Variants in LY6L observed in about 807,000 individuals in gnomAD.
LY6L encodes the protein lymphocyte antigen 6 family member L.
In LY6L, 8 loss-of-function variants were observed where a neutral mutation model predicts 8.3. The ratio of observed to expected loss-of-function variants is 0.97; its 90% CI spans 0.57 to 1.74. The LOEUF is 1.74. Ranked by LOEUF, LY6L falls within the 40% of genes most tolerant of loss-of-function variation. The pLI, the probability that LY6L is intolerant of heterozygous loss-of-function variation, is 0.00. For synonymous variants in LY6L, 79 were observed against 77.9 expected, an observed-to-expected ratio of 1.01 and a Z score of -0.07; for missense variants, 156 against 183.8, an observed-to-expected ratio of 0.85 and a Z score of 0.87.
rs1355497292 is a variant in LY6L, at chr8:143,081,301, T to A, written c.164T>A (p.Ile55Asn). ...TGCAGCCCGCTGGACCAAGTCTGCATCTCCAACGAGGTGGTCGTCTCTTTT... is the reference window on the plus strand; with the variant it reads ...TGCAGCCCGCTGGACCAAGTCTGCAACTCCAACGAGGTGGTCGTCTCTTTT... Reference protein sequence around the residue: ...TWCSPLDQVCISNEVVVSFKW... With the variant: ...TWCSPLDQVCNSNEVVVSFKW... Residue 55 changes from isoleucine to asparagine, a missense_variant, in exon 3 of 4, where the codon ATC (isoleucine) becomes AAC (asparagine). By Grantham distance (149) the Ile-to-Asn change is moderately radical. Transcript: ENST00000562505. The A allele has an allele frequency of 6.5e-7, 1 of 1,531,652 alleles. No homozygotes were observed. Among genetic ancestry groups the A allele is most frequent in the African/African-American group, 1.4e-5 (1 of 73,006 alleles). 94.9% of individuals were successfully genotyped at this position (1,531,652 alleles called of 1,614,324 possible). A position where few individuals can be genotyped will look rare whatever the true frequency, so the allele number is the denominator to read the frequency against.
Position 143,083,387 on chromosome 8 carries a change from C to T in LY6L, c.*736C>T, listed in dbSNP as rs1049474921. On this transcript the variant is annotated 3_prime_UTR_variant, in exon 4 of 4. Transcript: ENST00000562505. ...CCTTCCCATTTCCAGCCCCCTCTGC[C>T]CAAGGGAAACCCAGGAAGGATAACA... Among the ~76,000 whole-genome samples, 1 of 152,140 alleles carries T rather than the reference C, an allele frequency of 6.6e-6. No homozygotes were observed. The highest frequency in any genetic ancestry group is 2.4e-5 in the African/African-American group (1 of 41,412).
chr8:143,080,946 G>C, intron 1 of LY6L, 90 bp from the exon 2 acceptor site: 1 of 955,120 alleles, frequency 1.0e-6, no homozygotes, highest in South Asian at 1.6e-5. Context: ...TGGGGGGTGC[G>C]CCCTGAGTAA....
chr8:143,081,033 C>G lies in LY6L; in HGVS notation c.-18-3C>G, dbSNP rs1364287377. ...CCCGCAACACCCACCTCACCCCACT[C>G]AGGCTGAGCCTTCTGGCGTCATGGA... is the stretch of plus-strand genomic sequence containing the variant. On this transcript the variant is annotated splice_polypyrimidine_tract_variant and splice_region_variant and intron_variant, in intron 1 of 3. Transcript: ENST00000562505. 5.9e-6 allele frequency: 9 copies of G among 1,527,610 alleles called. No individual in the cohort carries two copies. Among genetic ancestry groups the G allele is most frequent in the Non-Finnish European group, 7.9e-6 (9 of 1,140,534 alleles). 94.6% of individuals were successfully genotyped at this position (1,527,610 alleles called of 1,614,324 possible). A position where few individuals can be genotyped will look rare whatever the true frequency, so the allele number is the denominator to read the frequency against.
At chr8:143,080,866 C>T (rs1404946848) in intron 1 of LY6L, among the ~76,000 whole-genome samples, 170 bp from the exon 2 acceptor site, 4 of 151,216 alleles carry the variant, frequency 2.6e-5, no homozygotes, top group Non-Finnish European at 5.9e-5. Flanking sequence ...AGTCCAGGAG[C>T]GCAGGAGGCT....
rs1168852791 is a variant in LY6L at position 143,081,142 on chromosome 8, G to C, written c.73+16G>C. ...ACGACGCCAGGTAAGGCGCGGCCCGGGCTGGGCTGGGGGCGTCGGGGCTGG... is the reference window on the plus strand; with the variant it reads ...ACGACGCCAGGTAAGGCGCGGCCCGCGCTGGGCTGGGGGCGTCGGGGCTGG... On this transcript the variant is annotated intron_variant, in intron 2 of 3. Coordinates refer to ENST00000562505, the MANE Select transcript of LY6L (RefSeq NM_001368160.2). 10 of 1,533,658 alleles carry C rather than the reference G, an allele frequency of 6.5e-6. No individual in the cohort carries two copies. The Admixed American group carries it at 1.6e-4, about 24-fold the overall frequency.
intron 3 of LY6L, 118 bp downstream of exon 3, chr8:143,081,445 C>T (rs934478097): frequency 1.1e-5 from 7 of 609,168 alleles, no homozygotes; most frequent in South Asian, 2.3e-5. Flanking sequence ...CCTGTGGGTC[C>T]GAAAGTGCCT....
chr8:143,082,696 G>T lies in LY6L; in HGVS notation c.*45G>T. The T allele has an allele frequency of 7.3e-7, 1 of 1,376,786 alleles. No homozygotes were observed. Among genetic ancestry groups the T allele is most frequent in the Non-Finnish European group, 9.5e-7 (1 of 1,047,798 alleles). 85.3% of individuals were successfully genotyped at this position (1,376,786 alleles called of 1,614,324 possible). A position where few individuals can be genotyped will look rare whatever the true frequency, so the allele number is the denominator to read the frequency against. ...CCTCCTGGCCCTGCTGGCCCATCCC[G>T]TCTCCTGCCTCCAACTGCCATCCTG... On this transcript the variant is annotated 3_prime_UTR_variant, in exon 4 of 4. Coordinates refer to ENST00000562505, the MANE Select transcript of LY6L (RefSeq NM_001368160.2).
chr8:143,080,754 G>A, intron 1 of LY6L, 95 bp downstream of exon 1: 8 of 408,942 alleles, frequency 2.0e-5, no homozygotes, highest in Non-Finnish European at 4.3e-6. Flanking sequence ...ATTGGAAGGG[G>A]GACCAAAGGC....
Position 143,081,339 on chromosome 8 carries a change from C to A in LY6L, c.190+12C>A. 6.8e-7 allele frequency: 1 copy of A among 1,472,394 alleles called. No individual in the cohort carries two copies. 91.2% of individuals were successfully genotyped at this position (1,472,394 alleles called of 1,614,324 possible). The stretch of plus-strand genomic sequence containing the variant: ...GGTCGTCTCTTTTAGTGAGTCCCCC[C>A]CGGGCAGAGGGCAGGTGCCAGGTGC... On this transcript the variant is annotated intron_variant, in intron 3 of 3. Transcript: ENST00000562505.
chr8:143,081,846 A>G (rs1408630431), intron 3 of LY6L, among the ~76,000 whole-genome samples: 1 of 152,258 alleles, frequency 6.6e-6, no homozygotes, highest in Non-Finnish European at 1.5e-5. Context: ...AACACAACAC[A>G]CCGTAACACT....
intron 1 of LY6L, 111 bp from the exon 2 acceptor site, chr8:143,080,925 C>A: frequency 2.7e-6 from 2 of 742,234 alleles, no homozygotes; most frequent in Non-Finnish European, 4.3e-6. Context: ...GCGCAGGAGG[C>A]TAGTGTGGGA....
chr8:143,082,956 G>T lies in LY6L; in HGVS notation c.*305G>T. ...GGTGATGGGAAGGACGGTGCCTCTG[G>T]TGTGGGTGATGGGAAGGACGGTGCC... On this transcript the variant is annotated 3_prime_UTR_variant, in exon 4 of 4. Transcript: ENST00000562505. 2.7e-6 allele frequency: 1 copy of T among 372,568 alleles called. No individual in the cohort carries two copies. Among genetic ancestry groups the T allele is most frequent in the Non-Finnish European group, 4.9e-6 (1 of 203,860 alleles). The allele number at this position is 372,568 out of a possible 1,614,324, so 23.1% of individuals were successfully genotyped here. A position where few individuals can be genotyped will look rare whatever the true frequency, so the allele number is the denominator to read the frequency against.
intron 3 of LY6L, 90 bp downstream of exon 3, chr8:143,081,417 C>A: frequency 1.2e-6 from 1 of 804,058 alleles, no homozygotes; most frequent in Non-Finnish European, 1.9e-6. Context: ...GAGTCCTCGG[C>A]GCTCCAGGGC....
At chr8:143,080,945 C>G (rs1031590163) in intron 1 of LY6L, 91 bp from the exon 2 acceptor site, 1 of 917,932 alleles carries the variant, frequency 1.1e-6, no homozygotes, top group African/African-American at 1.7e-5. Context: ...ATGGGGGGTG[C>G]GCCCTGAGTA....
Position 143,082,746 on chromosome 8 carries a change from G to C in LY6L, c.*95G>C, listed in dbSNP as rs1435886772. The stretch of plus-strand genomic sequence containing the variant: ...GCCTCCGCCCCTTCCAGGACACTGG[G>C]GGGGGACCCTCCCTCTCTGAGGTGG... On this transcript the variant is annotated 3_prime_UTR_variant, in exon 4 of 4. Transcript: ENST00000562505. The C allele has an allele frequency of 9.8e-7, 1 of 1,022,472 alleles. No individual in the cohort carries two copies. The highest frequency in any genetic ancestry group is 2.7e-5 in the East Asian group (1 of 36,694). The allele number at this position is 1,022,472 out of a possible 1,614,324, so 63.3% of individuals were successfully genotyped here. A position where few individuals can be genotyped will look rare whatever the true frequency, so the allele number is the denominator to read the frequency against.
rs1406831083 is a variant in LY6L, at chr8:143,082,565, G to A, written c.331G>A (p.Ala111Thr). 1 of 1,534,994 alleles carries A rather than the reference G, an allele frequency of 6.5e-7. No homozygotes were observed. Among genetic ancestry groups the A allele is most frequent in the Admixed American group, 2.0e-5 (1 of 50,998 alleles). Residue 111 changes from alanine to threonine, a missense_variant, in exon 4 of 4, where the codon GCA becomes ACA. By Grantham distance (58) the Ala-to-Thr change is moderately conservative. Transcript: ENST00000562505. ...CTGTTCCTGGGCTCTCTGCAACAGG[G>A]CACTGACCCCACAGGAGGGGCGCTG... ...RCCSWALCNRALTPQEGRWAL... is the reference protein window; with the variant it reads ...RCCSWALCNRTLTPQEGRWAL...
At position 143,083,297 on chromosome 8, in the gene LY6L, G is replaced by T. The variant is rs910460588; in HGVS notation, c.*646G>T. On this transcript the variant is annotated 3_prime_UTR_variant, in exon 4 of 4. Transcript: ENST00000562505. Reference sequence around the variant, plus strand: ...TTGCATGAGGCCCCTTGCCCTGAATGCTGTCCAGGACCCTTCGAGGGGCAG... The same window carrying T: ...TTGCATGAGGCCCCTTGCCCTGAATTCTGTCCAGGACCCTTCGAGGGGCAG... 6.6e-6 allele frequency among the ~76,000 whole-genome samples: 1 copy of T among 152,186 alleles called. No individual in the cohort carries two copies. Among genetic ancestry groups the T allele is most frequent in the Non-Finnish European group, 1.5e-5 (1 of 68,032 alleles).
Position 143,082,700 on chromosome 8 carries a change from C to T in LY6L, c.*49C>T. The T allele has an allele frequency of 7.3e-7, 1 of 1,370,176 alleles. No individual in the cohort carries two copies. The highest frequency in any genetic ancestry group is 9.6e-7 in the Non-Finnish European group (1 of 1,041,512). The allele number at this position is 1,370,176 out of a possible 1,614,324, so 84.9% of individuals were successfully genotyped here. Reference sequence around the variant, plus strand: ...CTGGCCCTGCTGGCCCATCCCGTCTCCTGCCTCCAACTGCCATCCTGCCTC... The same window carrying T: ...CTGGCCCTGCTGGCCCATCCCGTCTTCTGCCTCCAACTGCCATCCTGCCTC... On this transcript the variant is annotated 3_prime_UTR_variant, in exon 4 of 4. Coordinates refer to ENST00000562505, the MANE Select transcript of LY6L (RefSeq NM_001368160.2).
chr8:143,082,567 A>G lies in LY6L; in HGVS notation c.333A>G (p.Ala111=), dbSNP rs1279464065. 6.5e-7 allele frequency: 1 copy of G among 1,534,944 alleles called. No individual in the cohort carries two copies. Among genetic ancestry groups the G allele is most frequent in the Admixed American group, 2.0e-5 (1 of 50,992 alleles). The stretch of plus-strand genomic sequence containing the variant: ...GTTCCTGGGCTCTCTGCAACAGGGC[A>G]CTGACCCCACAGGAGGGGCGCTGGG... ...RCCSWALCNR[A]LTPQEGRWAL... The change falls in exon 4 of 4, where the codon GCA becomes GCG. Residue 111 remains alanine, a synonymous_variant. Transcript: ENST00000562505.
Sources: allele counts gnomAD v4.1 joint callset (sites outside exome capture counted in the v4.1 genomes callset), GRCh38; gene constraint gnomAD v4.1.1; transcripts MANE v1.5; gene names NCBI Gene and HGNC (gene_info 2026-07-23, HGNC 2026-07-21).